SYTL2: variants seen among roughly 807,000 people sequenced by gnomAD.
SYTL2 encodes the protein synaptotagmin-like protein 2.
Under a neutral mutation model 198.7 loss-of-function variants are expected in SYTL2, and 165 were observed. The ratio of observed to expected loss-of-function variants is 0.83; its 90% CI spans 0.73 to 0.94. The LOEUF (loss-of-function observed/expected upper bound fraction) is 0.94. Among genes scored for constraint, SYTL2 ranks in the 40% least tolerant of loss-of-function variants. The pLI is 0.00. For synonymous variants in SYTL2, 966 were observed against 917.7 expected, an observed-to-expected ratio of 1.05 and a Z score of -0.95; for missense variants, 2,835 against 2,582.8, an observed-to-expected ratio of 1.10 and a Z score of -2.12.
At chr11:85,777,740 A>T (rs1037129998) in intron 1 of SYTL2, among the ~76,000 whole-genome samples, 1 of 150,848 alleles carries the variant, frequency 6.6e-6, no homozygotes, top group African/African-American at 2.4e-5. Flanking sequence ...AGTAGGCTTC[A>T]GACACAAGAA....
At chr11:85,740,678 T>C (rs1184399042) in intron 4 of SYTL2, among the ~76,000 whole-genome samples, 1 of 152,208 alleles carries the variant, frequency 6.6e-6, no homozygotes, top group Non-Finnish European at 1.5e-5. Flanking sequence ...CCAAATTCCA[T>C]ACCCTGTGTT....
chr11:85,789,354 A>ATATATATATATATATG (rs2092691702), intron 1 of SYTL2, among the ~76,000 whole-genome samples: 10 of 57,214 alleles, frequency 1.7e-4, no homozygotes, highest in South Asian at 8.1e-4. Flanking sequence ...ATATATATAT[A>ATATATATATATATATG]TATATATATA....
the SYTL2 span, among the ~76,000 whole-genome samples, chr11:85,849,558 G>A: frequency 6.6e-6 from 1 of 151,920 alleles, no homozygotes; most frequent in South Asian, 2.1e-4. Flanking sequence ...TTTCCCCATT[G>A]CTTGTTTTTC....
At chr11:85,742,077 G>A (rs2090834527) in intron 4 of SYTL2, among the ~76,000 whole-genome samples, 1 of 152,068 alleles carries the variant, frequency 6.6e-6, no homozygotes, top group South Asian at 2.1e-4. Context: ...AACTCATTTG[G>A]GAGACATTCT....
intron 1 of SYTL2, among the ~76,000 whole-genome samples, chr11:85,804,950 T>G (rs538318911): frequency 2.5e-4 from 38 of 152,306 alleles, no homozygotes; most frequent in African/African-American, 8.4e-4. Flanking sequence ...CCTTGGCTGG[T>G]AAGTCTTTGG....
the SYTL2 span, among the ~76,000 whole-genome samples, chr11:85,846,451 AGAGTTTT>A: frequency 2.0e-5 from 3 of 149,456 alleles, no homozygotes; most frequent in African/African-American, 7.7e-5. Flanking sequence ...TTTTTGAGAC[AGAGTTTT>A]GCTCTTGTTA....
chr11:85,817,128 G>T, the SYTL2 span, among the ~76,000 whole-genome samples: 3,017 of 152,242 alleles, frequency 0.02, 99 homozygotes, highest in African/African-American at 0.069. Flanking sequence ...CCAGAATGGG[G>T]TTGAGCACTT....
chr11:85,729,317 T>G (rs1019011280), intron 7 of SYTL2, among the ~76,000 whole-genome samples: 16 of 152,144 alleles, frequency 1.1e-4, no homozygotes, highest in Non-Finnish European at 2.4e-4. Flanking sequence ...GCACTTATTC[T>G]AAAATTGACC....
At chr11:85,778,499 T>C (rs1343759926) in intron 1 of SYTL2, among the ~76,000 whole-genome samples, 2 of 152,240 alleles carry the variant, frequency 1.3e-5, no homozygotes, top group Non-Finnish European at 2.9e-5. Context: ...AGCTCCCAAG[T>C]TAGAAAGCAG....
rs200072724 is a variant in SYTL2, at chr11:85,706,877, G to A, written c.6018+552C>T. Among the ~76,000 whole-genome samples the A allele has an allele frequency of 2.3e-3, 25 of 10,670 alleles. No homozygotes were observed. In the African/African-American group the frequency reaches 0.033, roughly 14 times the overall value. The allele number at this position is 10,670 out of a possible 152,430, so 7.0% of individuals were successfully genotyped here. ...TGTTTTTTGAGACAGAGTTTCACTC[G>A]TCACCCATGCTGGAGTGCAGTGGTG... On this transcript the variant is annotated intron_variant, in intron 15 of 19. Transcript: ENST00000359152.
intron 1 of SYTL2, among the ~76,000 whole-genome samples, chr11:85,767,859 G>A (rs563751343): frequency 4.8e-4 from 73 of 152,166 alleles, no homozygotes; most frequent in African/African-American, 1.5e-3. Flanking sequence ...CAATTTAACC[G>A]GTTCTCTCCC....
chr11:85,781,536 A>C (rs1465196437), intron 1 of SYTL2, among the ~76,000 whole-genome samples: 1 of 152,198 alleles, frequency 6.6e-6, no homozygotes, highest in Non-Finnish European at 1.5e-5. Context: ...TTTCAGCATT[A>C]ACTCAGAAGC....
rs759456862 is a variant in SYTL2 at position 85,724,898 on chromosome 11, A to G, written c.4460T>C (p.Ile1487Thr). ...GAGGAACTCTGATTTGGGTTGAACA[A>G]TTGTTTCCCTCACAATTTCTTCCAC... ...QEVEEIVRET[I>T]VQPKSEFLEF... The change falls in exon 8 of 20, where the codon ATT (isoleucine) becomes ACT (threonine). Residue 1487 changes from isoleucine (I) to threonine (T), a missense_variant. Ile to Thr is a moderately conservative substitution (Grantham distance 89). This residue lies in a region of SYTL2 where 2,645 missense variants were observed against 2,381.7 expected (regional missense o/e 1.11). Coordinates refer to ENST00000359152, the MANE Select transcript of SYTL2 (RefSeq NM_206927.4). The G allele has an allele frequency of 6.2e-7, 1 of 1,614,178 alleles. No individual in the cohort carries two copies. Among genetic ancestry groups the G allele is most frequent in the South Asian group, 1.1e-5 (1 of 91,066 alleles).
the SYTL2 span, among the ~76,000 whole-genome samples, chr11:85,833,286 G>A: frequency 1.4e-5 from 2 of 147,120 alleles, no homozygotes; most frequent in Non-Finnish European, 1.5e-5. Context: ...AGGTATTTGG[G>A]TACATCATTA....
intron 1 of SYTL2, among the ~76,000 whole-genome samples, chr11:85,799,153 A>G (rs1233046782): frequency 6.6e-6 from 1 of 152,216 alleles, no homozygotes; most frequent in Admixed American, 6.5e-5. Context: ...AAGACAGGGA[A>G]CATAACTTAG....
At position 85,724,388 on chromosome 11, in the gene SYTL2, C is replaced by T; in HGVS notation, c.4970G>A (p.Ser1657Asn). The T allele has an allele frequency of 6.3e-7, 1 of 1,595,306 alleles. No individual in the cohort carries two copies. The highest frequency in any genetic ancestry group is 8.5e-7 in the Non-Finnish European group (1 of 1,172,224). ...DLLVDFCGSRSGVEIPRTPQL... is the reference protein window; with the variant it reads ...DLLVDFCGSRNGVEIPRTPQL... ...TGGGGTTCTAGGGATCTCAACTCCA[C>T]TTCTGGAACCACAAAAATCTACCAA... Residue 1657 changes from serine (S) to asparagine (N), a missense_variant, in exon 8 of 20, where the codon AGT becomes AAT. By Grantham distance (46) the Ser-to-Asn change is conservative. Coordinates refer to ENST00000359152, the MANE Select transcript of SYTL2 (RefSeq NM_206927.4).
intron 7 of SYTL2, among the ~76,000 whole-genome samples, chr11:85,733,283 A>G (rs868531591): frequency 6.6e-6 from 1 of 152,250 alleles, no homozygotes; most frequent in African/African-American, 2.4e-5. Context: ...TACCCTGTAC[A>G]AAGGTATTAG....
chr11:85,715,119 CA>C (rs1284119019), intron 11 of SYTL2: 2 of 152,020 alleles, frequency 1.3e-5, no homozygotes, highest in Non-Finnish European at 2.9e-5. Context: ...TATCCCAAGG[CA>C]AAGTTAGAAT....
At chr11:85,846,780 G>A in the SYTL2 span, among the ~76,000 whole-genome samples, 1 of 146,004 alleles carries the variant, frequency 6.8e-6, no homozygotes, top group African/African-American at 2.5e-5. Context: ...CGCCCAGGCT[G>A]GAGTGTGCAG....
Sources: gnomAD v4.1 joint callset for allele counts (sites outside exome capture counted in the v4.1 genomes callset) on GRCh38, gnomAD v4.1.1 for gene constraint, gnomAD v4.1.1 regional missense constraint, MANE v1.5 for transcripts, NCBI Gene and HGNC (gene_info 2026-07-23, HGNC 2026-07-21) for gene names.